Variants in AKAP6 observed in about 807,000 individuals in gnomAD.
The protein encoded by AKAP6 is A-kinase anchoring protein 6, also known as A-kinase anchor protein 6.
A neutral mutation model predicts 188.5 loss-of-function variants in AKAP6; 58 were observed. That is an observed-to-expected ratio of 0.31 (90% CI 0.25 to 0.38). The LOEUF (loss-of-function observed/expected upper bound fraction) is 0.38. AKAP6 is among the 10% of genes least tolerant of loss of function. AKAP6 has a pLI of 1.00. For synonymous variants in AKAP6, 989 were observed against 998.6 expected, an observed-to-expected ratio of 0.99 and a Z score of 0.18; for missense variants, 2,710 against 2,740.0, an observed-to-expected ratio of 0.99 and a Z score of 0.24.
intron 5 of AKAP6, among the ~76,000 whole-genome samples, chr14:32,599,053 T>C (rs1345979913): frequency 6.6e-6 from 1 of 152,188 alleles, no homozygotes; most frequent in Non-Finnish European, 1.5e-5. Flanking sequence ...TCATAAATAG[T>C]GCTATCACTA....
intron 2 of AKAP6, among the ~76,000 whole-genome samples, chr14:32,479,119 G>A (rs1004945730): frequency 1.3e-5 from 2 of 152,130 alleles, no homozygotes; most frequent in South Asian, 2.1e-4. Context: ...GATATTTTCA[G>A]TATTATATAC....
chr14:32,556,421 T>A (rs1178789397), intron 4 of AKAP6, among the ~76,000 whole-genome samples: 1 of 152,154 alleles, frequency 6.6e-6, no homozygotes, highest in African/African-American at 2.4e-5. Flanking sequence ...CAGCTCACTG[T>A]GGCCTTGACC....
intron 2 of AKAP6, among the ~76,000 whole-genome samples, chr14:32,461,703 A>T (rs1244644526): frequency 6.6e-6 from 1 of 152,136 alleles, no homozygotes; most frequent in Non-Finnish European, 1.5e-5. Context: ...CTCTTGAGCA[A>T]GGGCACAAAA....
chr14:32,620,084 G>A (rs1038150955), intron 7 of AKAP6, among the ~76,000 whole-genome samples: 22 of 151,726 alleles, frequency 1.4e-4, no homozygotes, highest in African/African-American at 4.8e-4. Context: ...TCTTTTGGAG[G>A]ATTCTTTATG....
At chr14:32,539,185 A>T (rs1360970621) in intron 3 of AKAP6, among the ~76,000 whole-genome samples, 1 of 152,174 alleles carries the variant, frequency 6.6e-6, no homozygotes, top group Admixed American at 6.5e-5. Flanking sequence ...CAGATGAGAG[A>T]ATTGGGGTCA....
chr14:32,472,872 A>AT (rs1334200543), intron 2 of AKAP6, among the ~76,000 whole-genome samples: 7 of 151,162 alleles, frequency 4.6e-5, no homozygotes, highest in Non-Finnish European at 1.0e-4. Flanking sequence ...AAAATAGAAT[A>AT]TAATGGCTGT....
At chr14:32,369,377 T>C (rs1431998028) in intron 1 of AKAP6, among the ~76,000 whole-genome samples, 2 of 152,270 alleles carry the variant, frequency 1.3e-5, no homozygotes, top group Non-Finnish European at 2.9e-5. Context: ...AGATTTCCTG[T>C]TGTCCATTAT....
chr14:32,557,918 T>C (rs1883762330), intron 4 of AKAP6, among the ~76,000 whole-genome samples: 1 of 152,180 alleles, frequency 6.6e-6, no homozygotes, highest in Admixed American at 6.5e-5. Flanking sequence ...CCTCTAGTGT[T>C]GTCCTAGAGA....
chr14:32,735,622 T>G (rs759308675), intron 10 of AKAP6, 36 bp from the exon 11 acceptor site: 2 of 1,453,452 alleles, frequency 1.4e-6, no homozygotes, highest in South Asian at 1.3e-5. Context: ...TTTTGTTTGT[T>G]TGTTTTATTT....
intron 7 of AKAP6, among the ~76,000 whole-genome samples, chr14:32,653,885 C>T (rs1231804610): frequency 1.3e-5 from 2 of 152,080 alleles, no homozygotes; most frequent in African/African-American, 4.8e-5. Context: ...TGATTTCCAT[C>T]ATTTCACATT....
chr14:32,683,348 G>A (rs140482973), intron 8 of AKAP6, among the ~76,000 whole-genome samples: 40 of 152,196 alleles, frequency 2.6e-4, no homozygotes, highest in African/African-American at 9.1e-4. Context: ...GGGCATTAGA[G>A]ACTTTTAGGT....
rs11417769 is a variant in AKAP6, at chr14:32,834,533, C to CTTTTTTTTTTTT, written c.*4738_*4749dup. ...CACACACTGCTTTTAGTTTCCAAGT[C>CTTTTTTTTTTTT]TTTTTTTTTTTTTTTTTTTTTAAAT... On this transcript the variant is annotated 3_prime_UTR_variant, in exon 14 of 14. Coordinates refer to ENST00000280979, the MANE Select transcript of AKAP6 (RefSeq NM_004274.5). 1 of 103,872 alleles carries CTTTTTTTTTTTT rather than the reference C, an allele frequency of 9.6e-6. No individual in the cohort carries two copies. The highest frequency in any genetic ancestry group is 1.8e-5 in the Non-Finnish European group (1 of 54,304). The allele number at this position is 103,872 out of a possible 1,614,324, so 6.4% of individuals were successfully genotyped here.
At chr14:32,332,814 G>A (rs17098741) in intron 1 of AKAP6, among the ~76,000 whole-genome samples, 3,576 of 152,136 alleles carry the variant, frequency 0.024, 159 homozygotes, top group African/African-American at 0.082. Flanking sequence ...ATGTATCAGT[G>A]GCTGAAACCA....
intron 7 of AKAP6, among the ~76,000 whole-genome samples, chr14:32,618,885 CA>C (rs1163164181): frequency 1.3e-5 from 2 of 152,056 alleles, no homozygotes; most frequent in Admixed American, 6.6e-5. Context: ...TAATAATGGC[CA>C]TTCTGGCTGG....
chr14:32,501,757 A>G (rs1280347723), intron 2 of AKAP6, among the ~76,000 whole-genome samples: 2 of 152,160 alleles, frequency 1.3e-5, no homozygotes, highest in Admixed American at 1.3e-4. Flanking sequence ...TATTTCTTCC[A>G]TCAGACTGCC....
At chr14:32,406,382 G>A (rs1594583414) in intron 1 of AKAP6, among the ~76,000 whole-genome samples, 1 of 152,138 alleles carries the variant, frequency 6.6e-6, no homozygotes, top group African/African-American at 2.4e-5. Context: ...GCTAATTTTT[G>A]TATTTTTAGT....
intron 5 of AKAP6, among the ~76,000 whole-genome samples, chr14:32,583,447 A>T (rs1885075676): frequency 6.6e-6 from 1 of 152,164 alleles, no homozygotes; most frequent in African/African-American, 2.4e-5. Context: ...GGGGTCAGGG[A>T]CCCATTTGAG....
At chr14:32,425,324 C>T (rs11850917) in intron 1 of AKAP6, among the ~76,000 whole-genome samples, 2,009 of 152,126 alleles carry the variant, frequency 0.013, 51 homozygotes, top group African/African-American at 0.045. Context: ...TGGCTGGATG[C>T]GGTGGCTTGT....
At position 32,440,081 on chromosome 14, in the gene AKAP6, A is replaced by G. The variant is rs541699206; in HGVS notation, c.324+6264A>G. Among the ~76,000 whole-genome samples the G allele has an allele frequency of 1.0e-3, 154 of 152,338 alleles. 1 individual carries two copies. The South Asian group carries it at 0.012, about 12-fold the overall frequency. On this transcript the variant is annotated intron_variant, in intron 2 of 13. Coordinates refer to ENST00000280979, the MANE Select transcript of AKAP6 (RefSeq NM_004274.5). ...TTAGAAAAGGATTTCATGAATAATG[A>G]TAAGTGCTATGTTGTAAAATTTGGT...
Sources: gnomAD v4.1 joint callset for allele counts (sites outside exome capture counted in the v4.1 genomes callset) on GRCh38, gnomAD v4.1.1 for gene constraint, MANE v1.5 for transcripts, NCBI Gene and HGNC (gene_info 2026-07-23, HGNC 2026-07-21) for gene names.